Variants in ARPP21 observed in about 807,000 individuals in gnomAD.
ARPP21 encodes the protein cAMP regulated phosphoprotein 21.
ARPP21 carries 69 observed loss-of-function variants against 113.2 expected under a neutral mutation model. The observed-to-expected ratio is 0.61, with a 90% confidence interval of 0.50 to 0.74. ARPP21 has a LOEUF of 0.74. ARPP21 is among the 30% of genes least tolerant of loss of function. The pLI is 0.00. For synonymous variants in ARPP21, 368 were observed against 375.5 expected, an observed-to-expected ratio of 0.98 and a Z score of 0.23; for missense variants, 1,070 against 1,037.4, an observed-to-expected ratio of 1.03 and a Z score of -0.43.
intron 9 of ARPP21, among the ~76,000 whole-genome samples, chr3:35,699,216 T>A (rs889833914): frequency 2.6e-5 from 4 of 151,596 alleles, no homozygotes; most frequent in Non-Finnish European, 5.9e-5. Context: ...GAGATAGTAT[T>A]GTCCTAAATG....
chr3:35,707,107 C>A, intron 10 of ARPP21, 25 bp downstream of exon 10: 1 of 1,562,542 alleles, frequency 6.4e-7, no homozygotes, highest in Non-Finnish European at 8.8e-7. Context: ...TTGAGAGTGG[C>A]TGACATTGTT....
At chr3:35,657,699 C>A (rs1705662814) in intron 1 of ARPP21, among the ~76,000 whole-genome samples, 1 of 152,072 alleles carries the variant, frequency 6.6e-6, no homozygotes, top group African/African-American at 2.4e-5. Flanking sequence ...AGAGTCCATG[C>A]AGATAGTCTC....
intron 1 of ARPP21, among the ~76,000 whole-genome samples, chr3:35,645,742 A>C (rs952389471): frequency 3.9e-5 from 6 of 151,988 alleles, no homozygotes; most frequent in African/African-American, 1.4e-4. Context: ...TTGAGATAAG[A>C]TCAAGAACTC....
intron 1 of ARPP21, among the ~76,000 whole-genome samples, chr3:35,670,960 G>A (rs1463493070): frequency 6.6e-6 from 1 of 152,132 alleles, no homozygotes; most frequent in Non-Finnish European, 1.5e-5. Context: ...CAAAACGCTA[G>A]TATTTAAAGC....
chr3:35,770,229 C>A (rs543626867), intron 19 of ARPP21, among the ~76,000 whole-genome samples: 3 of 152,306 alleles, frequency 2.0e-5, no homozygotes, highest in South Asian at 4.1e-4. Flanking sequence ...GAAAGAACAT[C>A]TTAGTTCCGT....
At chr3:35,720,485 G>C (rs1343223083) in intron 13 of ARPP21, among the ~76,000 whole-genome samples, 1 of 152,086 alleles carries the variant, frequency 6.6e-6, no homozygotes, top group Non-Finnish European at 1.5e-5. Context: ...TTTCAATGAA[G>C]CTACCAATCA....
At chr3:35,645,399 A>G (rs927475475) in intron 1 of ARPP21, among the ~76,000 whole-genome samples, 10 of 151,960 alleles carry the variant, frequency 6.6e-5, no homozygotes, top group African/African-American at 2.2e-4. Context: ...CAAGAAAACA[A>G]TTACGTCACT....
chr3:35,718,239 A>G (rs2150233362), intron 13 of ARPP21, among the ~76,000 whole-genome samples: 1 of 152,326 alleles, frequency 6.6e-6, no homozygotes. Context: ...TTGTTATCTT[A>G]CACTTTGATT....
chr3:35,731,614 A>G (rs1227615826), intron 15 of ARPP21, among the ~76,000 whole-genome samples: 1 of 151,902 alleles, frequency 6.6e-6, no homozygotes, highest in African/African-American at 2.4e-5. Flanking sequence ...TGCATTATAT[A>G]TAATGCATGT....
At chr3:35,724,471 G>T (rs1414553427) in intron 14 of ARPP21, among the ~76,000 whole-genome samples, 2 of 152,058 alleles carry the variant, frequency 1.3e-5, no homozygotes, top group African/African-American at 4.8e-5. Context: ...TCACCCAAAG[G>T]ACTGGTTAAA....
chr3:35,773,428 A>G (rs1333838798), intron 19 of ARPP21, among the ~76,000 whole-genome samples: 2 of 152,168 alleles, frequency 1.3e-5, no homozygotes, highest in African/African-American at 2.4e-5. Flanking sequence ...TCTTTCCATA[A>G]TAAATTGCCT....
chr3:35,681,027 A>G (rs554473465), intron 2 of ARPP21: 1 of 152,030 alleles, frequency 6.6e-6, no homozygotes, highest in South Asian at 2.1e-4. Flanking sequence ...GCTTCACTAG[A>G]GCTGCCTGCC....
intron 11 of ARPP21, among the ~76,000 whole-genome samples, chr3:35,712,642 G>A (rs527464949): frequency 2.7e-3 from 411 of 151,040 alleles, no homozygotes; most frequent in Non-Finnish European, 4.9e-3. Context: ...TTGCTTTGGG[G>A]ATTTTCCAGA....
At chr3:35,694,026 A>G (rs1299325759) in intron 9 of ARPP21, among the ~76,000 whole-genome samples, 1 of 151,554 alleles carries the variant, frequency 6.6e-6, no homozygotes, top group Non-Finnish European at 1.5e-5. Flanking sequence ...TTCTTCAGTG[A>G]CACTTCAATA....
At chr3:35,653,930 G>T (rs1006803423) in intron 1 of ARPP21, among the ~76,000 whole-genome samples, 1 of 151,896 alleles carries the variant, frequency 6.6e-6, no homozygotes, top group Non-Finnish European at 1.5e-5. Flanking sequence ...AATAAATTTG[G>T]AGGGTTGTCA....
chr3:35,707,684 C>A, intron 10 of ARPP21: 1 of 390,204 alleles, frequency 2.6e-6, no homozygotes, highest in Admixed American at 2.8e-5. Flanking sequence ...TGAAGTGTAG[C>A]AGAACTTTAT....
chr3:35,770,441 C>G (rs1159001695), intron 19 of ARPP21, among the ~76,000 whole-genome samples: 2 of 152,202 alleles, frequency 1.3e-5, no homozygotes, highest in Non-Finnish European at 2.9e-5. Flanking sequence ...TGTGGCCTTT[C>G]ATCTCAATTA....
At chr3:35,705,523 T>C (rs2088534953) in intron 9 of ARPP21, among the ~76,000 whole-genome samples, 1 of 152,190 alleles carries the variant, frequency 6.6e-6, no homozygotes, top group Non-Finnish European at 1.5e-5. Flanking sequence ...GATGGAGGAA[T>C]TTTGTTCTTT....
At chr3:35,736,521 A>G (rs1014900380) in intron 15 of ARPP21, among the ~76,000 whole-genome samples, 1 of 152,210 alleles carries the variant, frequency 6.6e-6, no homozygotes, top group African/African-American at 2.4e-5. Context: ...ATAGTAAACC[A>G]TGCCATTATT....
Sources: gnomAD v4.1 joint callset for allele counts (sites outside exome capture counted in the v4.1 genomes callset) on GRCh38, gnomAD v4.1.1 for gene constraint, MANE v1.5 for transcripts, NCBI Gene and HGNC (gene_info 2026-07-23, HGNC 2026-07-21) for gene names.